The following U2AF2 variants were observed in gnomAD, a reference collection of about 807,000 sequenced individuals.
The protein encoded by U2AF2 is splicing factor U2AF 65 kDa subunit.
A neutral mutation model predicts 52.6 loss-of-function variants in U2AF2; 6 were observed. That is an observed-to-expected ratio of 0.11 (90% CI 0.06 to 0.23). U2AF2 has a LOEUF of 0.23. U2AF2 is among the 10% of genes least tolerant of loss of function. The pLI is 1.00. For missense variants in U2AF2, 222 were observed against 677.1 expected (o/e 0.33, Z 7.46); for synonymous variants, 284 against 258.2 (o/e 1.10, Z -0.96).
rs767642308 is a variant in U2AF2 at position 55,669,067 on chromosome 19, C to T, written c.946-16C>T. The T allele has an allele frequency of 4.3e-6, 7 of 1,610,400 alleles. No homozygotes were observed. The South Asian group carries it at 4.4e-5, about 10-fold the overall frequency. The stretch of plus-strand genomic sequence containing the variant: ...CCTCTCCCCGCACCCCCCGACCCCT[C>T]ATCCTCCAAACACAGGCCATTGCGG... On this transcript the variant is annotated splice_polypyrimidine_tract_variant and intron_variant, in intron 9 of 11. Coordinates refer to ENST00000308924, the MANE Select transcript of U2AF2 (RefSeq NM_007279.3).
rs575446204 is a variant in U2AF2 at position 55,661,266 on chromosome 19, C to T, written c.486+77C>T. The T allele has an allele frequency of 1.4e-5, 20 of 1,382,404 alleles. No homozygotes were observed. The Admixed American group carries it at 3.3e-4, about 23-fold the overall frequency. The allele number at this position is 1,382,404 out of a possible 1,614,324, so 85.6% of individuals were successfully genotyped here. A position where few individuals can be genotyped will look rare whatever the true frequency, so the allele number is the denominator to read the frequency against. ...CTCCCCTTCCCTCCATTCCCTTTCCCCAACCTGCACGGGTCAGACTCTGCT... is the reference window on the plus strand; with the variant it reads ...CTCCCCTTCCCTCCATTCCCTTTCCTCAACCTGCACGGGTCAGACTCTGCT... On this transcript the variant is annotated intron_variant, in intron 5 of 11. Transcript: ENST00000308924.
At chr19:55,671,105 GA>G (rs1439439505) in intron 11 of U2AF2, among the ~76,000 whole-genome samples, 2 of 152,126 alleles carry the variant, frequency 1.3e-5, no homozygotes, top group African/African-American at 4.8e-5. Context: ...GAGAAAACAG[GA>G]CTGTGGTGGT....
chr19:55,658,148 C>T (rs1003640577), intron 1 of U2AF2, among the ~76,000 whole-genome samples: 18 of 152,146 alleles, frequency 1.2e-4, no homozygotes, highest in Non-Finnish European at 2.2e-4. Flanking sequence ...CTCCTCTTGT[C>T]CCCAGGGATG....
intron 11 of U2AF2, among the ~76,000 whole-genome samples, chr19:55,671,145 T>C (rs982926785): frequency 2.6e-5 from 4 of 151,784 alleles, no homozygotes; most frequent in African/African-American, 4.8e-5. Context: ...GTGGCTGCAG[T>C]TGGGAAAATG....
chr19:55,670,097 G>A (rs1474917993), intron 11 of U2AF2, among the ~76,000 whole-genome samples: 2 of 152,096 alleles, frequency 1.3e-5, no homozygotes, highest in African/African-American at 2.4e-5. Flanking sequence ...GGTGTCTCCT[G>A]TGTGCCAGGC....
rs1219383906 is a variant in U2AF2 at position 55,655,137 on chromosome 19, C to G, written c.33C>G (p.Leu11=). 1 of 1,604,664 alleles carries G rather than the reference C, an allele frequency of 6.2e-7. No homozygotes were observed. Among genetic ancestry groups the G allele is most frequent in the Non-Finnish European group, 8.5e-7 (1 of 1,176,432 alleles). MSDFDEFERQ[L]NENKQERDKE... is the part of the protein sequence containing the mutation. ...ACTTCGACGAGTTCGAGCGGCAGCT[C>G]AACGAGAATAAACAAGGTGAGGGCA... Residue 11 remains leucine (L), a synonymous_variant, in exon 1 of 12, where the codon CTC becomes CTG. Coordinates refer to ENST00000308924, the MANE Select transcript of U2AF2 (RefSeq NM_007279.3).
chr19:55,658,997 G>A, intron 1 of U2AF2: 1 of 619,028 alleles, frequency 1.6e-6, no homozygotes, highest in Non-Finnish European at 2.4e-6. Flanking sequence ...TTACACCCCG[G>A]GGGCATTTCC....
At chr19:55,660,832 T>C (rs1022840920) in intron 4 of U2AF2, among the ~76,000 whole-genome samples, 2 of 152,060 alleles carry the variant, frequency 1.3e-5, no homozygotes, top group African/African-American at 4.8e-5. Context: ...GAGGCCTCCA[T>C]CTGGACGCCA....
chr19:55,658,498 C>G (rs900933269), intron 1 of U2AF2, among the ~76,000 whole-genome samples: 6 of 152,160 alleles, frequency 3.9e-5, no homozygotes, highest in Admixed American at 6.5e-5. Context: ...CCTTTACAGT[C>G]TCTTCAGTAC....
chr19:55,658,842 T>C (rs1037838806), intron 1 of U2AF2: 4 of 199,630 alleles, frequency 2.0e-5, no homozygotes, highest in Non-Finnish European at 4.0e-5. Flanking sequence ...AAAACATCAT[T>C]GGGTCTCTTG....
At chr19:55,672,437 C>T (rs1187138228) in intron 11 of U2AF2, among the ~76,000 whole-genome samples, 1 of 152,062 alleles carries the variant, frequency 6.6e-6, no homozygotes, top group Non-Finnish European at 1.5e-5. Flanking sequence ...CATTTTGGGT[C>T]AGATAACTTC....
chr19:55,673,897 A>C (rs1985102211), intron 11 of U2AF2, 37 bp from the exon 12 acceptor site: 8 of 1,587,856 alleles, frequency 5.0e-6, no homozygotes, highest in Non-Finnish European at 6.9e-6. Flanking sequence ...GTTGGGCGTG[A>C]GCCTTGTTCA....
In U2AF2 at chr19:55,674,678, C is replaced by G. The variant is rs953894017; in HGVS notation, c.*610C>G. The G allele has an allele frequency of 6.6e-6, 1 of 152,450 alleles. No homozygotes were observed. Among genetic ancestry groups the G allele is most frequent in the African/African-American group, 2.4e-5 (1 of 41,442 alleles). 9.4% of individuals were successfully genotyped at this position (152,450 alleles called of 1,614,324 possible). ...TGTGGCAGTTTCATATTTGCTAAGA[C>G]GAATTTGCTCATTAAACATTTTGTT... On this transcript the variant is annotated 3_prime_UTR_variant, in exon 12 of 12. Coordinates refer to ENST00000308924, the MANE Select transcript of U2AF2 (RefSeq NM_007279.3).
At chr19:55,670,586 C>T (rs1984852438) in intron 11 of U2AF2, 1 of 278,724 alleles carries the variant, frequency 3.6e-6, no homozygotes, top group African/African-American at 2.3e-5. Flanking sequence ...CGTATTGAGT[C>T]GGGGCAGGGG....
rs765147825 is a variant in U2AF2 at position 55,655,077 on chromosome 19, G to A, written c.-28G>A. The A allele has an allele frequency of 4.9e-5, 79 of 1,606,358 alleles. No individual in the cohort carries two copies. The Admixed American group carries it at 1.3e-3, about 26-fold the overall frequency. ...CGGGCGGCAAGGCGAGGCGAAAGCT[G>A]CACAGGGCCCTACGCGGCCGCCTCA... On this transcript the variant is annotated 5_prime_UTR_variant, in exon 1 of 12. Coordinates refer to ENST00000308924, the MANE Select transcript of U2AF2 (RefSeq NM_007279.3).
chr19:55,670,246 T>TAGCA (rs950003866), intron 11 of U2AF2, among the ~76,000 whole-genome samples: 215 of 152,202 alleles, frequency 1.4e-3, no homozygotes, highest in African/African-American at 5.1e-3. Flanking sequence ...CAGACTCTGC[T>TAGCA]AAGTCCTGTC....
rs1315109783 is a variant in U2AF2, at chr19:55,662,458, C to T, written c.487-44C>T. 6 of 969,134 alleles carry T rather than the reference C, an allele frequency of 6.2e-6. No individual in the cohort carries two copies. The Admixed American group carries it at 8.2e-5, about 13-fold the overall frequency. 60.0% of individuals were successfully genotyped at this position (969,134 alleles called of 1,614,324 possible). On this transcript the variant is annotated intron_variant, in intron 5 of 11. Coordinates refer to ENST00000308924, the MANE Select transcript of U2AF2 (RefSeq NM_007279.3). ...CTCACCCTTCCCCTCCTCTCTCCAC[C>T]TCCCTTCCCCCGCCCCCCCCCTTGT...
chr19:55,660,933 C>A (rs560985810), intron 4 of U2AF2, 105 bp from the exon 5 acceptor site: 18 of 1,481,892 alleles, frequency 1.2e-5, no homozygotes, highest in Non-Finnish European at 1.6e-5. Flanking sequence ...GACCGAGAGC[C>A]TGTAGGAGCT....
chr19:55,663,812 C>G, intron 7 of U2AF2, 68 bp downstream of exon 7: 1 of 1,594,068 alleles, frequency 6.3e-7, no homozygotes. Context: ...TCCATCCCTT[C>G]AGCCCAGCTG....
Sources: gnomAD v4.1 joint callset for allele counts (sites outside exome capture counted in the v4.1 genomes callset) on GRCh38, gnomAD v4.1.1 for gene constraint, MANE v1.5 for transcripts, NCBI Gene and HGNC (gene_info 2026-07-23, HGNC 2026-07-21) for gene names.